The following NINJ2 variants were observed in gnomAD, a reference collection of about 807,000 sequenced individuals.
NINJ2 encodes the protein ninjurin 2.
In NINJ2, 12 loss-of-function variants were observed where a neutral mutation model predicts 11.7. The ratio of observed to expected loss-of-function variants is 1.02; its 90% CI spans 0.66 to 1.66. NINJ2 has a LOEUF of 1.66. NINJ2 is among the 40% of genes most tolerant of loss of function. The pLI, the probability that NINJ2 is intolerant of heterozygous loss-of-function variation, is 0.00. For synonymous variants in NINJ2, 93 were observed against 76.8 expected (o/e 1.21, Z -1.10); for missense variants, 187 against 181.8 (o/e 1.03, Z -0.16).
chr12:565,152 C>T, intron 3 of NINJ2, 65 bp downstream of exon 3: 1 of 1,358,960 alleles, frequency 7.4e-7, no homozygotes, highest in Non-Finnish European at 1.0e-6. Context: ...GCCCCAAAGC[C>T]CCAGAGGAGA....
At chr12:599,993 C>T (rs1419535891) in intron 1 of NINJ2, among the ~76,000 whole-genome samples, 1 of 152,222 alleles carries the variant, frequency 6.6e-6, no homozygotes, top group East Asian at 1.9e-4. Flanking sequence ...ACTCAGCCCT[C>T]CCCTGCCTGG....
In NINJ2 at chr12:648,912, C is replaced by G. The variant is rs146143242; in HGVS notation, c.33+14416G>C. On this transcript the variant is annotated intron_variant, in intron 1 of 3. Coordinates refer to ENST00000305108, the MANE Select transcript of NINJ2 (RefSeq NM_016533.6). The stretch of plus-strand genomic sequence containing the variant: ...TTTTCGGCACTAGAATACTCTTGCA[C>G]TAGTCAAAGTCCTATTCATCCTTTG... 7.1e-3 allele frequency among the ~76,000 whole-genome samples: 1,086 copies of G among 152,258 alleles called. 15 individuals carry two copies. Among genetic ancestry groups the G allele is most frequent in the African/African-American group, 0.025 (1,024 of 41,536 alleles).
intron 1 of NINJ2, among the ~76,000 whole-genome samples, chr12:569,381 C>A (rs1947346862): frequency 1.3e-5 from 2 of 152,202 alleles, no homozygotes; most frequent in African/African-American, 4.8e-5. Context: ...GAGAGTCTCA[C>A]CCCCTGCACC....
chr12:565,678 G>A, intron 2 of NINJ2: 3 of 612,670 alleles, frequency 4.9e-6, no homozygotes, highest in Non-Finnish European at 8.7e-6. Context: ...GAGCGAGTGA[G>A]TGAGTTAGCA....
chr12:597,398 T>C (rs1322646889), intron 1 of NINJ2, among the ~76,000 whole-genome samples: 1 of 152,236 alleles, frequency 6.6e-6, no homozygotes, highest in Non-Finnish European at 1.5e-5. Context: ...ATACGTTTTC[T>C]TACAGATGGG....
chr12:597,356 G>C (rs1592086390), intron 1 of NINJ2, among the ~76,000 whole-genome samples: 1 of 152,196 alleles, frequency 6.6e-6, no homozygotes, highest in South Asian at 2.1e-4. Flanking sequence ...AAGAGTGTGC[G>C]GCACTCAATA....
chr12:569,230 C>T (rs906591072), intron 1 of NINJ2, among the ~76,000 whole-genome samples: 4 of 152,200 alleles, frequency 2.6e-5, no homozygotes, highest in Admixed American at 2.6e-4. Context: ...GGCCAGCTGG[C>T]ATGGTTGGTT....
chr12:643,549 G>T, intron 1 of NINJ2: 1 of 987,940 alleles, frequency 1.0e-6, no homozygotes. Context: ...GACCTGTGGG[G>T]CGTGTCGTCA....
At chr12:632,072 TG>T (rs1300047697) in intron 1 of NINJ2, 2 of 152,150 alleles carry the variant, frequency 1.3e-5, no homozygotes, top group African/African-American at 2.4e-5. Flanking sequence ...TAGCAATTTG[TG>T]GGTGGACTAT....
intron 1 of NINJ2, among the ~76,000 whole-genome samples, chr12:658,734 ATGCTATG>A (rs1362564981): frequency 1.4e-5 from 2 of 142,334 alleles, no homozygotes; most frequent in East Asian, 2.1e-4. Flanking sequence ...TGCTAATGCT[ATGCTATG>A]CTATACTATA....
chr12:598,259 T>C (rs1947816110), intron 1 of NINJ2, among the ~76,000 whole-genome samples: 1 of 152,234 alleles, frequency 6.6e-6, no homozygotes, highest in Non-Finnish European at 1.5e-5. Context: ...ACAGGTGTTT[T>C]CACTGACCTC....
chr12:661,346 G>T (rs1937955908), intron 1 of NINJ2, among the ~76,000 whole-genome samples: 2 of 152,220 alleles, frequency 1.3e-5, no homozygotes, highest in African/African-American at 4.8e-5. Context: ...CCTCCAAAAT[G>T]CTAGGATTAC....
intron 1 of NINJ2, among the ~76,000 whole-genome samples, chr12:590,296 T>C (rs1478225091): frequency 6.6e-6 from 1 of 151,618 alleles, no homozygotes; most frequent in South Asian, 2.1e-4. Flanking sequence ...CTGCTGGAGG[T>C]CTGCAGCACA....
At chr12:662,938 G>T (rs1308273603) in intron 1 of NINJ2, among the ~76,000 whole-genome samples, 2 of 136,894 alleles carry the variant, frequency 1.5e-5, no homozygotes, top group East Asian at 2.2e-4. Flanking sequence ...TCTCTTCCTA[G>T]CCTCAAAACT....
At chr12:607,135 T>C (rs368288866) in intron 1 of NINJ2, among the ~76,000 whole-genome samples, 3 of 152,250 alleles carry the variant, frequency 2.0e-5, no homozygotes, top group African/African-American at 7.2e-5. Context: ...CTACTCAAGG[T>C]ATTAGAACCT....
intron 1 of NINJ2, among the ~76,000 whole-genome samples, chr12:662,811 T>G (rs1449340355): frequency 6.6e-6 from 1 of 152,212 alleles, no homozygotes; most frequent in Non-Finnish European, 1.5e-5. Context: ...CTGATTTCCT[T>G]TCCTTGCACT....
At chr12:602,940 C>T (rs1315747291) in intron 1 of NINJ2, among the ~76,000 whole-genome samples, 3 of 152,046 alleles carry the variant, frequency 2.0e-5, no homozygotes, top group East Asian at 1.9e-4. Context: ...TCAAGTGATC[C>T]TCCCACCCCA....
At chr12:618,124 C>T (rs897521556) in intron 1 of NINJ2, among the ~76,000 whole-genome samples, 1 of 149,594 alleles carries the variant, frequency 6.7e-6, no homozygotes, top group Admixed American at 6.8e-5. Flanking sequence ...GTCAATAGGA[C>T]CATCTGAACC....
chr12:596,065 C>A (rs1413226201), intron 1 of NINJ2, among the ~76,000 whole-genome samples: 1 of 152,174 alleles, frequency 6.6e-6, no homozygotes, highest in African/African-American at 2.4e-5. Flanking sequence ...GGTGGGAATG[C>A]AAAATGGTAC....
Sources: allele counts gnomAD v4.1 joint callset (sites outside exome capture counted in the v4.1 genomes callset), GRCh38; gene constraint gnomAD v4.1.1; transcripts MANE v1.5; gene names NCBI Gene and HGNC (gene_info 2026-07-23, HGNC 2026-07-21).